Variants in CUBN observed in about 807,000 individuals in gnomAD.
The protein encoded by CUBN is 460 kDa receptor.
A neutral mutation model predicts 405.3 loss-of-function variants in CUBN; 282 were observed. That is an observed-to-expected ratio of 0.70 (90% CI 0.63 to 0.77). CUBN has a LOEUF of 0.77. CUBN is among the 30% of genes least tolerant of loss of function. The pLI is 0.00. For missense variants in CUBN, 4,514 were observed against 4,475.2 expected (o/e 1.01, Z -0.25); for synonymous variants, 1,684 against 1,617.0 (o/e 1.04, Z -0.99).
At position 17,046,023 on chromosome 10, in the gene CUBN, G is replaced by C; in HGVS notation, c.3401C>G (p.Ser1134Cys). Residue 1134 changes from serine (S) to cysteine (C), a missense_variant, in exon 24 of 67, where the codon TCT (serine) becomes TGT (cysteine). By Grantham distance (112) the Ser-to-Cys change is moderately radical. This residue lies in a region of CUBN where 1,448 missense variants were observed against 1,388.0 expected (regional missense o/e 1.04). Transcript: ENST00000377833. ...TTTTAACCATAGTTTGTTACTATGA[G>C]AGATGATTGTTGGGGGTAGATTTGA... is the stretch of plus-strand genomic sequence containing the variant. ...YGSNLPPTII[S>C]HSNKLWLKFK... 2 of 1,613,148 alleles carry C rather than the reference G, an allele frequency of 1.2e-6. No individual in the cohort carries two copies. The highest frequency in any genetic ancestry group is 3.3e-5 in the Admixed American group (2 of 60,012).
chr10:16,929,222 C>T (rs1255373649), intron 40 of CUBN, among the ~76,000 whole-genome samples: 1 of 151,986 alleles, frequency 6.6e-6, no homozygotes, highest in Middle Eastern at 3.2e-3. Flanking sequence ...AGCAACTGTG[C>T]CCCACCCCCA....
At chr10:16,920,990 G>T (rs1403835693) in intron 43 of CUBN, among the ~76,000 whole-genome samples, 1 of 152,076 alleles carries the variant, frequency 6.6e-6, no homozygotes, top group East Asian at 1.9e-4. Flanking sequence ...CAACTCCCTC[G>T]CTTCGTGTCT....
At position 17,020,001 on chromosome 10, in the gene CUBN, C is replaced by T. The variant is rs1196909636; in HGVS notation, c.4018-18G>A. 2.5e-6 allele frequency: 4 copies of T among 1,613,968 alleles called. No homozygotes were observed. The highest frequency in any genetic ancestry group is 3.4e-6 in the Non-Finnish European group (4 of 1,179,854). On this transcript the variant is annotated intron_variant, in intron 27 of 66. Coordinates refer to ENST00000377833, the MANE Select transcript of CUBN (RefSeq NM_001081.4). ...TCATAGAGCTGAAATTGAAGAGAAA[C>T]TTTCCCATATAAAAACACATGGTTT...
intron 40 of CUBN, among the ~76,000 whole-genome samples, chr10:16,932,336 G>T (rs890823924): frequency 6.6e-6 from 1 of 152,160 alleles, no homozygotes; most frequent in African/African-American, 2.4e-5. Context: ...CTGTGGATCT[G>T]GGGGCCACAC....
In CUBN at chr10:16,919,965, G is replaced by C; in HGVS notation, c.6819C>G (p.Pro2273=). 6.2e-7 allele frequency: 1 copy of C among 1,612,732 alleles called. No homozygotes were observed. ...AAATGAAAATGGAAGTGACATACTT[G>C]GGTGTTACTTCAATATCGAATCGAT... ...FEDRFDIEVT[P]NCTSNYLELR... is the part of the protein sequence containing the mutation. The change falls in exon 44 of 67, where the codon CCC becomes CCG. Residue 2273 remains proline, a splice_region_variant and synonymous_variant. Transcript: ENST00000377833.
chr10:17,083,983 A>C (rs973477054), intron 17 of CUBN, among the ~76,000 whole-genome samples: 3 of 152,180 alleles, frequency 2.0e-5, no homozygotes, highest in African/African-American at 7.2e-5. Context: ...CTTAAACTTT[A>C]TTACCACTTG....
chr10:17,001,844 A>T lies in CUBN; in HGVS notation c.4169-11329T>A, dbSNP rs531124270. ...CATTATTTTGGTACACAGGGTCAAAATAGTCTATATTTGAGTAGCCTGTGG... is the reference window on the plus strand; with the variant it reads ...CATTATTTTGGTACACAGGGTCAAATTAGTCTATATTTGAGTAGCCTGTGG... On this transcript the variant is annotated intron_variant, in intron 28 of 66. Coordinates refer to ENST00000377833, the MANE Select transcript of CUBN (RefSeq NM_001081.4). Among the ~76,000 whole-genome samples, 12 of 152,348 alleles carry T rather than the reference A, an allele frequency of 7.9e-5. 1 individual carries two copies. The East Asian group carries it at 2.1e-3, about 27-fold the overall frequency.
intron 27 of CUBN, among the ~76,000 whole-genome samples, chr10:17,038,517 G>A (rs773055871): frequency 6.6e-6 from 1 of 152,166 alleles, no homozygotes; most frequent in African/African-American, 2.4e-5. Flanking sequence ...TCATCAAGGC[G>A]GGATAGTGTC....
chr10:16,948,599 G>C lies in CUBN; in HGVS notation c.5088C>G (p.Tyr1696Ter). The change falls in exon 35 of 67, where the codon TAC becomes TAG. Residue 1696 changes from tyrosine (Y) to a stop codon, truncating the protein, a stop_gained. Transcript: ENST00000377833. LOFTEE classifies it high-confidence loss of function. ...GHEDAPLRGR[Y>*]CGTDMPHPIT... ...TAGGATGGGGCATGTCGGTGCCACA[G>C]TAACGGCCTAAATAATGAAGATAAT... 1 of 1,613,826 alleles carries C rather than the reference G, an allele frequency of 6.2e-7. No individual in the cohort carries two copies. The highest frequency in any genetic ancestry group is 8.5e-7 in the Non-Finnish European group (1 of 1,179,856).
chr10:16,903,435 A>G (rs1841456440), intron 51 of CUBN, among the ~76,000 whole-genome samples: 1 of 152,100 alleles, frequency 6.6e-6, no homozygotes, highest in East Asian at 1.9e-4. Flanking sequence ...AAAGGATGCA[A>G]GAAAATGAAA....
intron 31 of CUBN, among the ~76,000 whole-genome samples, chr10:16,959,564 G>T (rs1457975746): frequency 6.6e-6 from 1 of 151,572 alleles, no homozygotes; most frequent in Non-Finnish European, 1.5e-5. Flanking sequence ...GGAGGCAGAG[G>T]TTGTGGTGAG....
At chr10:17,012,235 A>G (rs1834205403) in intron 28 of CUBN, among the ~76,000 whole-genome samples, 1 of 152,222 alleles carries the variant, frequency 6.6e-6, no homozygotes, top group Non-Finnish European at 1.5e-5. Context: ...TAATAGCAAG[A>G]TGGCTGCCAT....
At chr10:17,060,811 G>T (rs1275138710) in intron 22 of CUBN, among the ~76,000 whole-genome samples, 4 of 152,140 alleles carry the variant, frequency 2.6e-5, no homozygotes, top group Non-Finnish European at 5.9e-5. Context: ...AGCACTTTGG[G>T]AGGCTGAGGC....
chr10:16,940,369 G>C (rs1486271363), intron 36 of CUBN, 132 bp from the exon 37 acceptor site: 2 of 877,126 alleles, frequency 2.3e-6, no homozygotes, highest in East Asian at 2.6e-5. Context: ...ACATTATTTG[G>C]CTGTCTCAAA....
chr10:16,897,071 T>C (rs528069801), intron 54 of CUBN, among the ~76,000 whole-genome samples: 83 of 152,368 alleles, frequency 5.4e-4, no homozygotes, highest in African/African-American at 1.9e-3. Flanking sequence ...AGAGAGCTCG[T>C]CAGTGATTGT....
intron 55 of CUBN, among the ~76,000 whole-genome samples, chr10:16,889,678 G>A (rs922043917): frequency 2.6e-5 from 4 of 151,712 alleles, no homozygotes; most frequent in Non-Finnish European, 2.9e-5. Flanking sequence ...GGCGGTTCAC[G>A]AGGTCAAGAG....
intron 28 of CUBN, among the ~76,000 whole-genome samples, chr10:16,990,963 T>A (rs1833568047): frequency 6.6e-6 from 1 of 152,180 alleles, no homozygotes; most frequent in Non-Finnish European, 1.5e-5. Context: ...CGTGCAGATC[T>A]AAGAACTAGA....
At chr10:16,965,324 C>T (rs1843358381) in intron 31 of CUBN, among the ~76,000 whole-genome samples, 1 of 152,214 alleles carries the variant, frequency 6.6e-6, no homozygotes, top group Non-Finnish European at 1.5e-5. Flanking sequence ...TAAAGCTGAG[C>T]ATACATTTTT....
In CUBN at chr10:17,009,231, G is replaced by A. The variant is rs117693377; in HGVS notation, c.4168+10602C>T. Among the ~76,000 whole-genome samples the A allele has an allele frequency of 2.6e-3, 395 of 152,242 alleles. 3 individuals are homozygous for A. The highest frequency in any genetic ancestry group is 4.8e-3 in the Non-Finnish European group (326 of 68,036). On this transcript the variant is annotated intron_variant, in intron 28 of 66. Coordinates refer to ENST00000377833, the MANE Select transcript of CUBN (RefSeq NM_001081.4). ...GAGTTAAAAAACAATTTTATATTTC[G>A]GTTCTGGTCCCAGCTGGCAACATTT...
Sources: allele counts gnomAD v4.1 joint callset (sites outside exome capture counted in the v4.1 genomes callset), GRCh38; gene constraint gnomAD v4.1.1; regional missense constraint gnomAD v4.1.1; transcripts MANE v1.5; gene names NCBI Gene and HGNC (gene_info 2026-07-23, HGNC 2026-07-21).